The following RNLS variants were observed in gnomAD, a reference collection of about 807,000 sequenced individuals.
RNLS encodes renalase.
In RNLS, 39 loss-of-function variants were observed where a neutral mutation model predicts 39.8. The observed-to-expected ratio is 0.98, with a 90% CI of 0.76 to 1.28. RNLS has a LOEUF of 1.28. Ranked by LOEUF, RNLS falls within the 50% of genes most tolerant of loss-of-function variation. The probability of loss-of-function intolerance (pLI) is 0.00; values close to 1 mark genes in which losing one functional copy is unlikely to be tolerated. For synonymous variants in RNLS, 147 were observed against 150.7 expected (o/e 0.98, Z 0.18); for missense variants, 410 against 413.3 (o/e 0.99, Z 0.07).
intron 4 of RNLS, among the ~76,000 whole-genome samples, chr10:88,508,698 G>C (rs1256076698): frequency 6.6e-6 from 1 of 151,976 alleles, no homozygotes; most frequent in African/African-American, 2.4e-5. Flanking sequence ...TTGTCTTTTG[G>C]TGGAGGCCCA....
At chr10:88,408,666 T>G (rs1286815067) in intron 4 of RNLS, among the ~76,000 whole-genome samples, 1 of 152,112 alleles carries the variant, frequency 6.6e-6, no homozygotes, top group Non-Finnish European at 1.5e-5. Flanking sequence ...ATAATGCAAT[T>G]TATTTATTTG....
intron 6 of RNLS, among the ~76,000 whole-genome samples, chr10:88,300,898 T>C (rs573351660): frequency 5.9e-5 from 9 of 152,322 alleles, no homozygotes; most frequent in South Asian, 2.1e-4. Context: ...TTACTCTTTA[T>C]GGGAAAGTGC....
intron 6 of RNLS, chr10:88,309,555 A>G (rs1275315248): frequency 1.1e-6 from 1 of 892,940 alleles, no homozygotes; most frequent in African/African-American, 1.7e-5. Context: ...TAGCAGTACT[A>G]TGGGTAACTG....
At position 88,343,171 on chromosome 10, in the gene RNLS, T is replaced by C. The variant is rs570624763; in HGVS notation, c.700+19381A>G. On this transcript the variant is annotated intron_variant, in intron 5 of 6. Coordinates refer to ENST00000331772, the MANE Select transcript of RNLS (RefSeq NM_001031709.3). ...GAGTGGCATGAACAGATGTGTGCTC[T>C]AAGAAAACCATTCTGGTTATTTGAA... Among the ~76,000 whole-genome samples the C allele has an allele frequency of 2.2e-4, 33 of 152,288 alleles. No individual in the cohort carries two copies. In the East Asian group the frequency reaches 5.8e-3, roughly 27 times the overall value.
chr10:88,343,872 G>T, intron 5 of RNLS: 1 of 958,788 alleles, frequency 1.0e-6, no homozygotes, highest in Non-Finnish European at 1.2e-6. Context: ...TGGAGCAGAG[G>T]ATTTGTCCTA....
At chr10:88,492,190 C>T (rs890444897) in intron 4 of RNLS, among the ~76,000 whole-genome samples, 1 of 151,990 alleles carries the variant, frequency 6.6e-6, no homozygotes, top group Non-Finnish European at 1.5e-5. Context: ...CCCCTGCTGC[C>T]ATTGCTTCCC....
intron 4 of RNLS, among the ~76,000 whole-genome samples, chr10:88,429,806 C>T (rs933120576): frequency 2.6e-5 from 4 of 151,800 alleles, no homozygotes; most frequent in Non-Finnish European, 5.9e-5. Context: ...TGTCATTTCT[C>T]CACTGAACTG....
chr10:88,506,614 A>G (rs1335431037), intron 4 of RNLS, among the ~76,000 whole-genome samples: 3 of 151,824 alleles, frequency 2.0e-5, no homozygotes, highest in Non-Finnish European at 2.9e-5. Flanking sequence ...AAGAAGAGAA[A>G]ATAAGTCAGA....
chr10:88,440,832 A>ACT lies in RNLS; in HGVS notation c.527-78109_527-78108dup, dbSNP rs533881043. 3.3e-5 allele frequency among the ~76,000 whole-genome samples: 5 copies of ACT among 152,324 alleles called. No individual in the cohort carries two copies. The South Asian group carries it at 1.0e-3, about 32-fold the overall frequency. On this transcript the variant is annotated intron_variant, in intron 4 of 6. Transcript: ENST00000331772. The stretch of plus-strand genomic sequence containing the variant: ...ACCCTGCCTGGCTGAGAAATTCAGA[A>ACT]CTGTCCCTGGCACTAGTTAGTGTCC...
At chr10:88,543,887 T>C (rs999436467) in intron 4 of RNLS, among the ~76,000 whole-genome samples, 34 of 152,304 alleles carry the variant, frequency 2.2e-4, no homozygotes, top group African/African-American at 6.0e-4. Flanking sequence ...TTGGATAGAA[T>C]TGTGAGATCT....
At chr10:88,232,712 GGCAGGGCCCCTAGTGACA>G in the RNLS span, among the ~76,000 whole-genome samples, 1 of 152,228 alleles carries the variant, frequency 6.6e-6, no homozygotes, top group Non-Finnish European at 1.5e-5. Flanking sequence ...GACTGAATGG[GGCAGGGCCCCTAGTGACA>G]GCAGTGGAGC....
intron 4 of RNLS, among the ~76,000 whole-genome samples, chr10:88,436,213 A>C (rs1399443241): frequency 1.3e-5 from 2 of 152,102 alleles, no homozygotes; most frequent in African/African-American, 2.4e-5. Flanking sequence ...GCTCATTCTG[A>C]GTTCTGATAA....
At chr10:88,547,514 T>A (rs1589992693) in intron 4 of RNLS, among the ~76,000 whole-genome samples, 3 of 152,224 alleles carry the variant, frequency 2.0e-5, no homozygotes, top group Non-Finnish European at 4.4e-5. Flanking sequence ...ATGTCAGCAT[T>A]TTGAAACTTT....
At chr10:88,576,212 T>G (rs1850198544) in intron 3 of RNLS, among the ~76,000 whole-genome samples, 1 of 152,222 alleles carries the variant, frequency 6.6e-6, no homozygotes, top group Non-Finnish European at 1.5e-5. Context: ...TATGTATAAT[T>G]AGTTTAATGT....
At chr10:88,508,841 T>C (rs1398170684) in intron 4 of RNLS, among the ~76,000 whole-genome samples, 1 of 152,124 alleles carries the variant, frequency 6.6e-6, no homozygotes, top group Admixed American at 6.6e-5. Flanking sequence ...GCACCAATAA[T>C]GTCAAATATT....
At chr10:88,334,971 G>A (rs1033579556) in intron 5 of RNLS, among the ~76,000 whole-genome samples, 11 of 152,098 alleles carry the variant, frequency 7.2e-5, no homozygotes, top group African/African-American at 2.4e-4. Context: ...ATTAATTAAC[G>A]TGAGATACCA....
chr10:88,270,741 A>G (rs1384256372), downstream of RNLS, among the ~76,000 whole-genome samples: 1 of 152,200 alleles, frequency 6.6e-6, no homozygotes, highest in Non-Finnish European at 1.5e-5. Flanking sequence ...GGGAGAACAC[A>G]CTTTTCAAAA....
chr10:88,381,998 A>ATATC (rs1276947535), intron 4 of RNLS, among the ~76,000 whole-genome samples: 7 of 152,140 alleles, frequency 4.6e-5, no homozygotes, highest in Admixed American at 4.6e-4. Flanking sequence ...TTTCATATAT[A>ATATC]TATCTATTAT....
At chr10:88,419,973 G>T (rs1854296378) in intron 4 of RNLS, among the ~76,000 whole-genome samples, 1 of 151,326 alleles carries the variant, frequency 6.6e-6, no homozygotes. Flanking sequence ...TCATGCCCTT[G>T]CACTCCAGCC....
Sources: allele counts gnomAD v4.1 joint callset (sites outside exome capture counted in the v4.1 genomes callset), GRCh38; gene constraint gnomAD v4.1.1; transcripts MANE v1.5; gene names NCBI Gene and HGNC (gene_info 2026-07-23, HGNC 2026-07-21).